TTBK2: variants seen among roughly 807,000 people sequenced by gnomAD.
TTBK2 encodes tau tubulin kinase 2.
TTBK2 carries 28 observed loss-of-function variants against 110.8 expected under a neutral mutation model. That is an observed-to-expected ratio of 0.25 (90% confidence interval 0.19 to 0.35). TTBK2 has a LOEUF of 0.35. Among genes scored for constraint, TTBK2 ranks in the 10% least tolerant of loss-of-function variants. The pLI is 1.00. For missense variants in TTBK2, 1,369 were observed against 1,500.3 expected (o/e 0.91, Z 1.45); for synonymous variants, 532 against 527.3 (o/e 1.01, Z -0.12).
At chr15:42,810,839 A>C in intron 8 of TTBK2, 100 bp from the exon 9 acceptor site, 1 of 1,355,462 alleles carries the variant, frequency 7.4e-7, no homozygotes, top group Non-Finnish European at 1.0e-6. Flanking sequence ...CTAGGGAATG[A>C]GATAGTGGGT....
chr15:42,774,819 C>CTAGG (rs1330809235), intron 13 of TTBK2, among the ~76,000 whole-genome samples: 1 of 152,114 alleles, frequency 6.6e-6, no homozygotes, highest in Non-Finnish European at 1.5e-5. Flanking sequence ...GTAAAAATTG[C>CTAGG]TAGGAACTTC....
At chr15:42,821,980 A>AT (rs1389044852) in intron 6 of TTBK2, among the ~76,000 whole-genome samples, 3 of 151,622 alleles carry the variant, frequency 2.0e-5, no homozygotes, top group Non-Finnish European at 4.4e-5. Context: ...GTGAGCCACC[A>AT]TGCCCAGCCT....
intron 2 of TTBK2, among the ~76,000 whole-genome samples, chr15:42,873,794 C>T (rs1894705778): frequency 1.3e-5 from 2 of 152,024 alleles, no homozygotes; most frequent in Non-Finnish European, 2.9e-5. Flanking sequence ...AATTTTTTTC[C>T]ATTTCCTGAA....
At chr15:42,821,270 G>A (rs185055189) in intron 6 of TTBK2, among the ~76,000 whole-genome samples, 1,792 of 152,284 alleles carry the variant, frequency 0.012, 14 homozygotes, top group Non-Finnish European at 0.017. Flanking sequence ...GGTGAATGTA[G>A]GGAGCAGGGG....
intron 9 of TTBK2, 59 bp downstream of exon 9, chr15:42,810,555 G>GT: frequency 6.2e-7 from 1 of 1,605,696 alleles, no homozygotes; most frequent in Non-Finnish European, 8.5e-7. Flanking sequence ...GCTACAATGA[G>GT]TGAAAGCATA....
At chr15:42,906,675 A>C (rs1189738496) in intron 1 of TTBK2, among the ~76,000 whole-genome samples, 1 of 152,178 alleles carries the variant, frequency 6.6e-6, no homozygotes, top group African/African-American at 2.4e-5. Flanking sequence ...AAAAATAGAT[A>C]ATTGGGATTA....
chr15:42,844,350 T>C (rs1595976470), intron 3 of TTBK2, among the ~76,000 whole-genome samples: 1 of 152,200 alleles, frequency 6.6e-6, no homozygotes, highest in East Asian at 1.9e-4. Flanking sequence ...ATTATTTCAG[T>C]CCAGGAGTTA....
chr15:42,919,742 C>G, intron 1 of TTBK2: 6 of 971,692 alleles, frequency 6.2e-6, no homozygotes, highest in Non-Finnish European at 7.3e-6. Context: ...CAAAGTACAA[C>G]TCAATGTCAT....
intron 14 of TTBK2, among the ~76,000 whole-genome samples, chr15:42,749,135 C>T (rs921552899): frequency 6.6e-6 from 1 of 152,196 alleles, no homozygotes; most frequent in African/African-American, 2.4e-5. Flanking sequence ...ATGATTGTGG[C>T]TTTGTTTCAT....
At position 42,745,165 on chromosome 15, in the gene TTBK2, C is replaced by T. The variant is rs1768767385; in HGVS notation, c.*630G>A. ...ATTGGATTTGATAGTACAACTAGGA[C>T]CATAAAATAAAAGCAGAGAGATTGA... On this transcript the variant is annotated 3_prime_UTR_variant, in exon 15 of 15. Coordinates refer to ENST00000267890, the MANE Select transcript of TTBK2 (RefSeq NM_173500.4). The T allele has an allele frequency of 6.5e-6, 1 of 154,130 alleles. No individual in the cohort carries two copies. The highest frequency in any genetic ancestry group is 1.5e-5 in the Non-Finnish European group (1 of 68,904). 9.5% of individuals were successfully genotyped at this position (154,130 alleles called of 1,614,324 possible).
intron 11 of TTBK2, among the ~76,000 whole-genome samples, chr15:42,780,354 T>A (rs1015424201): frequency 6.6e-6 from 1 of 151,372 alleles, no homozygotes; most frequent in Non-Finnish European, 1.5e-5. Flanking sequence ...TTTCTTTTTT[T>A]TTTTTTAAAA....
At chr15:42,891,252 T>C (rs59698268) in intron 1 of TTBK2, among the ~76,000 whole-genome samples, 135 of 150,692 alleles carry the variant, frequency 9.0e-4, no homozygotes, top group African/African-American at 2.9e-3. Context: ...ACATAGCTCA[T>C]TGCAGCCTCA....
intron 14 of TTBK2, among the ~76,000 whole-genome samples, chr15:42,751,721 G>A (rs778227676): frequency 1.4e-4 from 21 of 152,190 alleles, no homozygotes; most frequent in East Asian, 1.9e-4. Context: ...TCCAGCCTGC[G>A]TGACAGAGCG....
chr15:42,792,427 T>A (rs1161223561), intron 10 of TTBK2, among the ~76,000 whole-genome samples: 1 of 152,144 alleles, frequency 6.6e-6, no homozygotes, highest in Non-Finnish European at 1.5e-5. Flanking sequence ...CCTCCGTCAC[T>A]CCACTAATGA....
At chr15:42,883,420 T>C (rs1895125260) in intron 1 of TTBK2, among the ~76,000 whole-genome samples, 1 of 150,792 alleles carries the variant, frequency 6.6e-6, no homozygotes, top group African/African-American at 2.4e-5. Context: ...GGGACTCATG[T>C]AAAGGGACTC....
intron 9 of TTBK2, 80 bp downstream of exon 9, chr15:42,810,534 A>T: frequency 6.3e-7 from 1 of 1,575,356 alleles, no homozygotes; most frequent in South Asian, 1.1e-5. Flanking sequence ...CTCATTTATA[A>T]CACCTTCAAA....
chr15:42,745,623 C>T lies in TTBK2; in HGVS notation c.*172G>A. On this transcript the variant is annotated 3_prime_UTR_variant, in exon 15 of 15. Transcript: ENST00000267890. ...TGATTCCTAATCTACTTGCTGCCTG[C>T]CTTAGGTAATTCCTTATCATGTATT... 3.7e-6 allele frequency: 3 copies of T among 805,046 alleles called. No individual in the cohort carries two copies. The highest frequency in any genetic ancestry group is 4.1e-6 in the Non-Finnish European group (2 of 486,718). The allele number at this position is 805,046 out of a possible 1,614,324, so 49.9% of individuals were successfully genotyped here.
chr15:42,809,510 A>G (rs550158633), intron 9 of TTBK2, among the ~76,000 whole-genome samples: 76 of 152,358 alleles, frequency 5.0e-4, no homozygotes, highest in Non-Finnish European at 8.2e-4. Flanking sequence ...GGAAAGTTGG[A>G]ACAATTTTCA....
intron 3 of TTBK2, among the ~76,000 whole-genome samples, chr15:42,843,859 T>C (rs920894200): frequency 6.6e-6 from 1 of 152,080 alleles, no homozygotes; most frequent in African/African-American, 2.4e-5. Context: ...AGATATTTTT[T>C]AGTGGACCAA....
Sources: allele counts gnomAD v4.1 joint callset (sites outside exome capture counted in the v4.1 genomes callset), GRCh38; gene constraint gnomAD v4.1.1; transcripts MANE v1.5; gene names NCBI Gene and HGNC (gene_info 2026-07-23, HGNC 2026-07-21).